The following ZFPM2 variants were observed in gnomAD, a reference collection of about 807,000 sequenced individuals.
The protein encoded by ZFPM2 is zinc finger protein ZFPM2.
A neutral mutation model predicts 98.6 loss-of-function variants in ZFPM2; 20 were observed. The ratio of observed to expected loss-of-function variants is 0.20; its 90% CI spans 0.14 to 0.29. ZFPM2 has a LOEUF of 0.29. Among genes scored for constraint, ZFPM2 ranks in the 10% least tolerant of loss-of-function variants. The pLI, the probability that ZFPM2 is intolerant of heterozygous loss-of-function variation, is 1.00. For missense variants in ZFPM2, 1,310 were observed against 1,388.6 expected (o/e 0.94, Z 0.90); for synonymous variants, 518 against 502.7 (o/e 1.03, Z -0.41).
In ZFPM2 at chr8:105,441,434, A is replaced by AAGAGAG. The variant is rs35365518; in HGVS notation, c.200-2830_200-2825dup. On this transcript the variant is annotated intron_variant, in intron 2 of 7. Transcript: ENST00000407775. ...CTCAACAAAAAAAAAGAAAGAAAGA[A>AAGAGAG]AGAGAGAGAGAGAGAGAGAGAAAGA... 6.0e-3 allele frequency among the ~76,000 whole-genome samples: 571 copies of AAGAGAG among 94,928 alleles called. 67 individuals are homozygous for AAGAGAG. The highest frequency in any genetic ancestry group is 7.3e-3 in the South Asian group (21 of 2,868). 62.3% of individuals were successfully genotyped at this position (94,928 alleles called of 152,430 possible).
chr8:105,742,777 C>T (rs1268402559), intron 5 of ZFPM2, among the ~76,000 whole-genome samples: 1 of 151,980 alleles, frequency 6.6e-6, no homozygotes. Context: ...CCTGTGATCC[C>T]AGCCACTCTG....
intron 5 of ZFPM2, among the ~76,000 whole-genome samples, chr8:105,750,996 T>C (rs1246029657): frequency 6.6e-6 from 1 of 152,118 alleles, no homozygotes; most frequent in South Asian, 2.1e-4. Flanking sequence ...CATTTCAGTA[T>C]GCAGACTTTT....
At chr8:105,577,840 A>G (rs2130734939) in intron 4 of ZFPM2, among the ~76,000 whole-genome samples, 1 of 151,624 alleles carries the variant, frequency 6.6e-6, no homozygotes. Context: ...ATATTATTTG[A>G]TCTTTTGTGA....
At chr8:105,356,973 T>C (rs1352630330) in intron 1 of ZFPM2, among the ~76,000 whole-genome samples, 1 of 152,160 alleles carries the variant, frequency 6.6e-6, no homozygotes, top group Admixed American at 6.5e-5. Context: ...TAGCTCTTTA[T>C]TACCTACTTT....
At chr8:105,682,037 A>G (rs371443298) in intron 5 of ZFPM2, among the ~76,000 whole-genome samples, 1 of 152,160 alleles carries the variant, frequency 6.6e-6, no homozygotes, top group Non-Finnish European at 1.5e-5. Context: ...AATAACTCAG[A>G]CATGAGAAAA....
chr8:105,353,801 TAAAATTTTTTAAAAGG>T (rs1812691619), intron 1 of ZFPM2, among the ~76,000 whole-genome samples: 1 of 152,216 alleles, frequency 6.6e-6, no homozygotes, highest in Admixed American at 6.5e-5. Flanking sequence ...AGTGTTTGCT[TAAAATTTTTTAAAAGG>T]ACCGGAGTTT....
intron 4 of ZFPM2, among the ~76,000 whole-genome samples, chr8:105,624,934 C>T (rs1435694795): frequency 6.6e-6 from 1 of 152,128 alleles, no homozygotes; most frequent in Non-Finnish European, 1.5e-5. Context: ...TGAAAAGTCT[C>T]TTATCATATT....
chr8:105,523,990 ATCT>A (rs1311541565), intron 3 of ZFPM2, among the ~76,000 whole-genome samples: 1 of 152,084 alleles, frequency 6.6e-6, no homozygotes, highest in Non-Finnish European at 1.5e-5. Flanking sequence ...AGTCTCTAAA[ATCT>A]GTTTTGTTCA....
chr8:105,803,342 A>G lies in ZFPM2; in HGVS notation c.3260A>G (p.Asn1087Ser), dbSNP rs1814103270. The G allele has an allele frequency of 1.9e-6, 3 of 1,608,978 alleles. No individual in the cohort carries two copies. Among genetic ancestry groups the G allele is most frequent in the South Asian group, 1.1e-5 (1 of 90,536 alleles). ...SWISENPLAA[N>S]ENVSPGIPSA... ...ATCTCTGAGAACCCATTAGCTGCCA[A>G]TGAGAATGTCTCACCAGGAATTCCC... is the stretch of plus-strand genomic sequence containing the variant. Residue 1087 changes from asparagine to serine, a missense_variant, in exon 8 of 8, where the codon AAT becomes AGT. Asn to Ser is a conservative substitution (Grantham distance 46). Coordinates refer to ENST00000407775, the MANE Select transcript of ZFPM2 (RefSeq NM_012082.4).
At chr8:105,767,707 T>TA (rs904557214) in intron 5 of ZFPM2, among the ~76,000 whole-genome samples, 1 of 151,730 alleles carries the variant, frequency 6.6e-6, no homozygotes, top group African/African-American at 2.4e-5. Context: ...TCAGGGAATA[T>TA]AAAAAAAATT....
rs1185670420 is a variant in ZFPM2 at position 105,750,815 on chromosome 8, AT to A, written c.533-37902del. 2.6e-5 allele frequency among the ~76,000 whole-genome samples: 4 copies of A among 152,214 alleles called. No homozygotes were observed. The East Asian group carries it at 7.8e-4, about 30-fold the overall frequency. The stretch of plus-strand genomic sequence containing the variant: ...CTTAGGAGCAACGATGACATTTTAA[AT>A]GTAAATGTAAGAAATCCAGTTTGGC... On this transcript the variant is annotated intron_variant, in intron 5 of 7. Transcript: ENST00000407775.
At chr8:105,752,803 GAAAACCT>G (rs1295452002) in intron 5 of ZFPM2, among the ~76,000 whole-genome samples, 7 of 152,056 alleles carry the variant, frequency 4.6e-5, no homozygotes, top group African/African-American at 1.7e-4. Flanking sequence ...CTTGAAAATA[GAAAACCT>G]TTTTTTCCCT....
intron 1 of ZFPM2, among the ~76,000 whole-genome samples, chr8:105,398,236 A>G (rs1467816263): frequency 6.6e-6 from 1 of 152,136 alleles, no homozygotes; most frequent in African/African-American, 2.4e-5. Flanking sequence ...CATAAGGATC[A>G]TATTGTTAGT....
At chr8:105,438,558 T>G (rs1232517137) in intron 2 of ZFPM2, among the ~76,000 whole-genome samples, 1 of 152,178 alleles carries the variant, frequency 6.6e-6, no homozygotes, top group Admixed American at 6.5e-5. Context: ...TATTTTTTCT[T>G]CCAAAAATAT....
intron 1 of ZFPM2, among the ~76,000 whole-genome samples, chr8:105,381,037 A>G (rs1200695623): frequency 1.4e-5 from 2 of 142,882 alleles, no homozygotes; most frequent in Non-Finnish European, 3.0e-5. Flanking sequence ...TCAACCCATC[A>G]TCTACATTAG....
intron 5 of ZFPM2, among the ~76,000 whole-genome samples, chr8:105,716,178 T>C (rs1468780856): frequency 6.7e-6 from 1 of 149,802 alleles, no homozygotes; most frequent in Non-Finnish European, 1.5e-5. Flanking sequence ...TATATAAATA[T>C]GTAAATAAAA....
At chr8:105,430,597 A>G (rs1388226598) in intron 2 of ZFPM2, among the ~76,000 whole-genome samples, 1 of 152,166 alleles carries the variant, frequency 6.6e-6, no homozygotes, top group African/African-American at 2.4e-5. Flanking sequence ...TGCTGTGGGT[A>G]TTATCTGTGT....
chr8:105,376,919 T>TC (rs1375229497), intron 1 of ZFPM2, among the ~76,000 whole-genome samples: 1 of 152,196 alleles, frequency 6.6e-6, no homozygotes, highest in Admixed American at 6.5e-5. Context: ...TTCAATTGCT[T>TC]CCCAATGCAA....
chr8:105,355,438 A>T (rs1466495412), intron 1 of ZFPM2, among the ~76,000 whole-genome samples: 1 of 152,054 alleles, frequency 6.6e-6, no homozygotes, highest in Non-Finnish European at 1.5e-5. Flanking sequence ...TGTTCTTTTA[A>T]ATTCTAGAAA....
Sources: allele counts gnomAD v4.1 joint callset (sites outside exome capture counted in the v4.1 genomes callset), GRCh38; gene constraint gnomAD v4.1.1; transcripts MANE v1.5; gene names NCBI Gene and HGNC (gene_info 2026-07-23, HGNC 2026-07-21).